SASH1: variants seen among roughly 807,000 people sequenced by gnomAD.
SASH1 encodes the protein SAM and SH3 domain-containing protein 1.
A neutral mutation model predicts 125.2 loss-of-function variants in SASH1; 44 were observed. That is an observed-to-expected ratio of 0.35 (90% confidence interval 0.28 to 0.45). The LOEUF is 0.45. Among genes scored for constraint, SASH1 ranks in the 20% least tolerant of loss-of-function variants. The pLI, the probability that SASH1 is intolerant of heterozygous loss-of-function variation, is 1.00. For missense variants in SASH1, 1,426 were observed against 1,614.5 expected, an observed-to-expected ratio of 0.88 and a Z score of 2.00; for synonymous variants, 639 against 649.1, an observed-to-expected ratio of 0.98 and a Z score of 0.24.
chr6:148,530,292 T>C (rs1433314442), intron 12 of SASH1, among the ~76,000 whole-genome samples: 2 of 152,188 alleles, frequency 1.3e-5, no homozygotes, highest in African/African-American at 4.8e-5. Context: ...AGACCCACAT[T>C]TACTATTGCT....
chr6:148,238,528 A>G, the SASH1 span, among the ~76,000 whole-genome samples: 13 of 151,500 alleles, frequency 8.6e-5, no homozygotes, highest in Non-Finnish European at 1.8e-4. Flanking sequence ...CTGGACTTTT[A>G]TTTTCTTTTA....
intron 2 of SASH1, among the ~76,000 whole-genome samples, 190 bp downstream of exon 2, chr6:148,390,452 T>C (rs901354555): frequency 1.3e-5 from 2 of 151,932 alleles, no homozygotes; most frequent in African/African-American, 4.8e-5. Context: ...ACTGAGTGAG[T>C]GTTGGCTGGA....
chr6:148,241,010 A>G, the SASH1 span, among the ~76,000 whole-genome samples: 1 of 152,112 alleles, frequency 6.6e-6, no homozygotes, highest in East Asian at 1.9e-4. Context: ...TTCCTCTCTT[A>G]CAAACAAAAC....
chr6:148,287,633 A>G (rs947471617), intron 1 of SASH1, among the ~76,000 whole-genome samples: 20 of 150,442 alleles, frequency 1.3e-4, no homozygotes, highest in South Asian at 4.2e-4. Context: ...GTTACTTCAC[A>G]CTTCACTTTC....
At position 148,534,831 on chromosome 6, in the gene SASH1, G is replaced by C. The variant is rs1781743584; in HGVS notation, c.2025G>C (p.Glu675Asp). 6.2e-7 allele frequency: 1 copy of C among 1,614,100 alleles called. No individual in the cohort carries two copies. Among genetic ancestry groups the C allele is most frequent in the Non-Finnish European group, 8.5e-7 (1 of 1,180,036 alleles). The change falls in exon 16 of 20, where the codon GAG becomes GAC. Residue 675 changes from glutamate to aspartate, a missense_variant. Around this residue, in one of 3 missense-constraint regions of SASH1, gnomAD observed 225 missense variants for 344.5 expected, o/e 0.65. Coordinates refer to ENST00000367467, the MANE Select transcript of SASH1 (RefSeq NM_015278.5). ...FKLLEEEDLD[E>D]LNIRDPEHRA... ...TGCTGGAGGAGGAAGACTTGGATGA[G>C]TTAAATATCAGGGACCCGGAACACA...
chr6:148,468,489 C>T, intron 4 of SASH1, 56 bp from the exon 5 acceptor site: 1 of 1,335,606 alleles, frequency 7.5e-7, no homozygotes, highest in Non-Finnish European at 1.1e-6. Flanking sequence ...GGAGGATTTT[C>T]AGTTCTCCCA....
the SASH1 span, among the ~76,000 whole-genome samples, chr6:148,216,947 G>T: frequency 6.6e-6 from 1 of 151,932 alleles, no homozygotes; most frequent in African/African-American, 2.4e-5. Flanking sequence ...GGCTGGTCTC[G>T]ATCTCCTGAC....
At chr6:148,278,377 AT>A (rs34815761) in intron 1 of SASH1, among the ~76,000 whole-genome samples, 13 of 150,228 alleles carry the variant, frequency 8.7e-5, no homozygotes, top group Non-Finnish European at 1.5e-4. Flanking sequence ...CTTGGTCTCC[AT>A]TTTTTTTTCT....
At chr6:148,501,748 A>C (rs1419726886) in intron 8 of SASH1, among the ~76,000 whole-genome samples, 1 of 152,156 alleles carries the variant, frequency 6.6e-6, no homozygotes, top group Non-Finnish European at 1.5e-5. Flanking sequence ...CCCCCCACCC[A>C]TTCAGGAGGA....
intron 1 of SASH1, among the ~76,000 whole-genome samples, chr6:148,362,284 G>T (rs549302349): frequency 6.6e-6 from 1 of 150,594 alleles, no homozygotes; most frequent in African/African-American, 2.4e-5. Context: ...GTGCAGTGGC[G>T]CCATCTTGGC....
chr6:148,510,565 TC>T (rs761785240), intron 8 of SASH1, among the ~76,000 whole-genome samples: 58 of 152,332 alleles, frequency 3.8e-4, no homozygotes, highest in Admixed American at 1.0e-3. Flanking sequence ...ATTTCCTCTA[TC>T]TTCTACGAAG....
rs576193549 is a variant in SASH1 at position 148,312,437 on chromosome 6, G to A, written n.74+40060G>A. Among the ~76,000 whole-genome samples, 47 of 152,290 alleles carry A rather than the reference G, an allele frequency of 3.1e-4. No individual in the cohort carries two copies. The South Asian group carries it at 8.1e-3, about 26-fold the overall frequency. On this transcript the variant is annotated intron_variant and non_coding_transcript_variant, in intron 1 of 3. Coordinates refer to the SASH1 transcript ENST00000367469. ...GTGGGAGGATTGCTTGAGCCTAGGA[G>A]TTTGAGGCTGCACTGAGCTATAAAT...
At chr6:148,302,094 T>A (rs1779964602) in intron 1 of SASH1, among the ~76,000 whole-genome samples, 1 of 150,678 alleles carries the variant, frequency 6.6e-6, no homozygotes, top group Admixed American at 6.6e-5. Flanking sequence ...GGCAGGCAGA[T>A]CATGAGATCA....
intron 2 of SASH1, among the ~76,000 whole-genome samples, chr6:148,390,474 G>A (rs367880113): frequency 2.0e-5 from 3 of 152,130 alleles, no homozygotes; most frequent in African/African-American, 4.8e-5. Flanking sequence ...CAATAGGATC[G>A]AACCTTTGCA....
chr6:148,442,022 C>G (rs2115008525), intron 4 of SASH1, among the ~76,000 whole-genome samples: 1 of 152,258 alleles, frequency 6.6e-6, no homozygotes, highest in East Asian at 1.9e-4. Context: ...ACATTTTGTC[C>G]TTTATTTCTC....
intron 1 of SASH1, among the ~76,000 whole-genome samples, chr6:148,307,162 A>AGGCT (rs1780167210): frequency 1.3e-5 from 2 of 149,238 alleles, no homozygotes; most frequent in Admixed American, 6.8e-5. Context: ...TCTGTCATCC[A>AGGCT]GGCTGGAGTG....
intron 8 of SASH1, among the ~76,000 whole-genome samples, chr6:148,506,064 C>T (rs529589224): frequency 7.2e-5 from 11 of 152,072 alleles, no homozygotes; most frequent in African/African-American, 2.4e-4. Context: ...CCACCACGCC[C>T]GGCCTGGTTG....
intron 2 of SASH1, among the ~76,000 whole-genome samples, chr6:148,434,991 G>A (rs1776233496): frequency 6.6e-6 from 1 of 152,070 alleles, no homozygotes; most frequent in South Asian, 2.1e-4. Context: ...GATTGCTTGA[G>A]GCCAGGAGTT....
At chr6:148,252,745 C>G in the SASH1 span, among the ~76,000 whole-genome samples, 1 of 152,182 alleles carries the variant, frequency 6.6e-6, no homozygotes, top group Non-Finnish European at 1.5e-5. Context: ...GCCCAAAGTG[C>G]TGGGATTACA....
Sources: gnomAD v4.1 joint callset for allele counts (sites outside exome capture counted in the v4.1 genomes callset) on GRCh38, gnomAD v4.1.1 for gene constraint, gnomAD v4.1.1 regional missense constraint, MANE v1.5 for transcripts, NCBI Gene and HGNC (gene_info 2026-07-23, HGNC 2026-07-21) for gene names.